Variants in ZNF91 observed in about 807,000 individuals in gnomAD.
The protein encoded by ZNF91 is zinc finger protein 91 (HPF7, HTF10).
Under a neutral mutation model 12.6 loss-of-function variants are expected in ZNF91, and 7 were observed. That is an observed-to-expected ratio of 0.55 (90% CI 0.31 to 1.04). The LOEUF (loss-of-function observed/expected upper bound fraction) is 1.04. Ranked by LOEUF, ZNF91 falls within the 50% of genes least tolerant of loss-of-function variation. The pLI, the probability that ZNF91 is intolerant of heterozygous loss-of-function variation, is 0.05. For synonymous variants in ZNF91, 453 were observed against 462.6 expected, an observed-to-expected ratio of 0.98 and a Z score of 0.27; for missense variants, 1,217 against 1,385.4, an observed-to-expected ratio of 0.88 and a Z score of 1.93.
chr19:23,361,621 TTA>T lies in ZNF91; in HGVS notation c.1356_1357del (p.His452GlnfsTer6). On this transcript the variant is annotated frameshift_variant, in exon 4 of 4. Coordinates refer to ENST00000300619, the MANE Select transcript of ZNF91 (RefSeq NM_003430.4). LOFTEE classifies it low-confidence loss of function (END_TRUNC). Reference sequence around the variant, plus strand: ...GGGTTTCTCTCTAGTATGAAATCTTTTATGTTTAGTAAGGCTTGAGGACCAGT... The same window carrying T: ...GGGTTTCTCTCTAGTATGAAATCTTTTGTTTAGTAAGGCTTGAGGACCAGT... 1 of 1,613,772 alleles carries T rather than the reference TTA, an allele frequency of 6.2e-7. No homozygotes were observed. Among genetic ancestry groups the T allele is most frequent in the Non-Finnish European group, 8.5e-7 (1 of 1,179,848 alleles).
At chr19:23,336,399 A>G (rs1424374010), downstream of ZNF91, among the ~76,000 whole-genome samples, 2 of 152,206 alleles carry the variant, frequency 1.3e-5, no homozygotes, top group Non-Finnish European at 2.9e-5. Flanking sequence ...CATAGGGGCC[A>G]AAGATTGGCT....
At position 23,358,067 on chromosome 19, in the gene ZNF91, A is replaced by C. The variant is rs1272877016; in HGVS notation, c.*1336T>G. ...AAAAAATCACTAGAGATGTCAGTCC[A>C]TTATCTTACCAAATAGTGTATTTTT... On this transcript the variant is annotated 3_prime_UTR_variant, in exon 4 of 4. Coordinates refer to ENST00000300619, the MANE Select transcript of ZNF91 (RefSeq NM_003430.4). 6.6e-6 allele frequency: 1 copy of C among 152,194 alleles called. No individual in the cohort carries two copies. 9.4% of individuals were successfully genotyped at this position (152,194 alleles called of 1,614,324 possible).
In ZNF91 at chr19:23,326,481, C is replaced by G. The variant is rs1403261678; in HGVS notation, n.117-17384G>C. 2.0e-5 allele frequency: 3 copies of G among 152,140 alleles called. No homozygotes were observed. The East Asian group carries it at 5.8e-4, about 29-fold the overall frequency. 9.4% of individuals were successfully genotyped at this position (152,140 alleles called of 1,614,324 possible). A position where few individuals can be genotyped will look rare whatever the true frequency, so the allele number is the denominator to read the frequency against. On this transcript the variant is annotated intron_variant and non_coding_transcript_variant, in intron 1 of 1. Transcript: ENST00000596528. ...TAGCTCCGATTACAGGCACCCACCA[C>G]CACGTCCAGCTAATTTTTGTATTTT...
Position 23,372,244 on chromosome 19 carries a change from T to A in ZNF91, c.253+1498A>T, listed in dbSNP as rs143471918. On this transcript the variant is annotated intron_variant, in intron 3 of 3. Coordinates refer to ENST00000300619, the MANE Select transcript of ZNF91 (RefSeq NM_003430.4). Reference sequence around the variant, plus strand: ...AAGATAAAAAAAAAAAGATGCCCTATTTGCTTATCTCCTGACAGCAAGAAA... The same window carrying A: ...AAGATAAAAAAAAAAAGATGCCCTAATTGCTTATCTCCTGACAGCAAGAAA... Among the ~76,000 whole-genome samples the A allele has an allele frequency of 7.5e-4, 114 of 152,272 alleles. 1 individual carries two copies. The East Asian group carries it at 0.021, about 28-fold the overall frequency.
chr19:23,323,913 TTTC>T (rs144788296), intron 1 of ZNF91: 6,913 of 123,630 alleles, frequency 0.056, 462 homozygotes, highest in African/African-American at 0.16. Context: ...TCTCCACTCC[TTTC>T]TTTTCTCCTC....
intron 3 of ZNF91, among the ~76,000 whole-genome samples, chr19:23,341,341 G>A (rs762199855): frequency 2.0e-5 from 3 of 152,070 alleles, no homozygotes; most frequent in Non-Finnish European, 1.5e-5. Context: ...GAGCTACCAC[G>A]CCTGGCCAGA....
At chr19:23,393,180 C>T (rs1464280248) in intron 1 of ZNF91, among the ~76,000 whole-genome samples, 1 of 151,986 alleles carries the variant, frequency 6.6e-6, no homozygotes, top group Non-Finnish European at 1.5e-5. Flanking sequence ...TTGTTTTCTC[C>T]TCAATACTAG....
At chr19:23,310,920 C>T (rs781396552), upstream of ZNF91, among the ~76,000 whole-genome samples, 11 of 152,158 alleles carry the variant, frequency 7.2e-5, no homozygotes, top group Admixed American at 1.3e-4. Flanking sequence ...TGGACTATTA[C>T]CAAGGTGAGT....
Position 23,358,192 on chromosome 19 carries a change from CTGTT to C in ZNF91, c.*1207_*1210del, listed in dbSNP as rs994722813. 2 of 152,050 alleles carry C rather than the reference CTGTT, an allele frequency of 1.3e-5. No individual in the cohort carries two copies. The highest frequency in any genetic ancestry group is 2.9e-5 in the Non-Finnish European group (2 of 67,998). The allele number at this position is 152,050 out of a possible 1,614,324, so 9.4% of individuals were successfully genotyped here. A position where few individuals can be genotyped will look rare whatever the true frequency, so the allele number is the denominator to read the frequency against. Reference sequence around the variant, plus strand: ...CATGATAGTATTTAACATGTTAAAACTGTTTGGTTGAAAAGTTCACATGCAATTT... The same window carrying C: ...CATGATAGTATTTAACATGTTAAAACTGGTTGAAAAGTTCACATGCAATTT... On this transcript the variant is annotated 3_prime_UTR_variant, in exon 4 of 4. Coordinates refer to ENST00000300619, the MANE Select transcript of ZNF91 (RefSeq NM_003430.4).
In ZNF91 at chr19:23,362,130, T is replaced by C. The variant is rs1274271174; in HGVS notation, c.849A>G (p.Arg283=). Residue 283 remains arginine (R), a synonymous_variant, in exon 4 of 4, where the codon AGA becomes AGG. Transcript: ENST00000300619. The part of the protein sequence containing the change: ...KAFLWSSTLT[R]HKRIHTGEKP... ...TCTCTCCAGTGTGTATCCTCTTATGTCTAGTTAGGGTTGAGGACCATAGAA... is the reference window on the plus strand; with the variant it reads ...TCTCTCCAGTGTGTATCCTCTTATGCCTAGTTAGGGTTGAGGACCATAGAA... 4 of 1,614,014 alleles carry C rather than the reference T, an allele frequency of 2.5e-6. No homozygotes were observed. The African/African-American group carries it at 4.0e-5, about 16-fold the overall frequency.
At chr19:23,310,911 G>A (rs1255293583), upstream of ZNF91, among the ~76,000 whole-genome samples, 1 of 152,246 alleles carries the variant, frequency 6.6e-6, no homozygotes, top group East Asian at 1.9e-4. Context: ...CAAATTACTT[G>A]GACTATTACC....
At chr19:23,392,278 C>A (rs1478081974) in intron 1 of ZNF91, among the ~76,000 whole-genome samples, 1 of 151,384 alleles carries the variant, frequency 6.6e-6, no homozygotes, top group African/African-American at 2.4e-5. Context: ...CGCCTGTAAT[C>A]CCAGCTATTT....
chr19:23,384,801 A>G, intron 1 of ZNF91: 1 of 679,180 alleles, frequency 1.5e-6, no homozygotes, highest in East Asian at 2.6e-5. Context: ...ACAGCACCTC[A>G]GACTCTGTGT....
chr19:23,308,288 T>G (rs1302496123), intron 2 of ZNF91: 1 of 152,144 alleles, frequency 6.6e-6, no homozygotes, highest in East Asian at 1.9e-4. Flanking sequence ...CAGGAAAGAT[T>G]ATAACATATC....
chr19:23,392,069 TTA>T (rs1210378968), intron 1 of ZNF91, among the ~76,000 whole-genome samples: 15 of 151,960 alleles, frequency 9.9e-5, no homozygotes, highest in African/African-American at 2.4e-4. Flanking sequence ...AATAAATATA[TTA>T]TGTTATTATT....
At chr19:23,327,306 C>A (rs1010219200) in intron 1 of ZNF91, 2 of 152,108 alleles carry the variant, frequency 1.3e-5, no homozygotes, top group African/African-American at 2.4e-5. Context: ...TTAAAAACAA[C>A]AAAGCATTGT....
At chr19:23,347,731 T>C (rs1033595559) in intron 3 of ZNF91, among the ~76,000 whole-genome samples, 1 of 152,170 alleles carries the variant, frequency 6.6e-6, no homozygotes. Context: ...GTTTGAGAGA[T>C]TACCCAGTCC....
chr19:23,368,947 T>TC (rs1395805246), intron 3 of ZNF91, among the ~76,000 whole-genome samples: 1 of 151,898 alleles, frequency 6.6e-6, no homozygotes, highest in Non-Finnish European at 1.5e-5. Context: ...AGAAACAAAA[T>TC]CCCCTCACAC....
chr19:23,390,267 G>C (rs1474383674), intron 1 of ZNF91, among the ~76,000 whole-genome samples: 1 of 152,074 alleles, frequency 6.6e-6, no homozygotes, highest in Admixed American at 6.6e-5. Flanking sequence ...GGTGAGCCGA[G>C]ATTGTGCCAT....
Sources: allele counts gnomAD v4.1 joint callset (sites outside exome capture counted in the v4.1 genomes callset), GRCh38; gene constraint gnomAD v4.1.1; transcripts MANE v1.5; gene names NCBI Gene and HGNC (gene_info 2026-07-23, HGNC 2026-07-21).